Variants in DPH7 observed in about 807,000 individuals in gnomAD.
The protein encoded by DPH7 is diphthine methyltransferase.
DPH7 carries 44 observed loss-of-function variants against 41.7 expected under a neutral mutation model. The observed-to-expected ratio is 1.05, with a 90% CI of 0.83 to 1.36. The LOEUF (loss-of-function observed/expected upper bound fraction) is 1.36, where lower values mean the gene tolerates loss of function less well. Ranked by LOEUF, DPH7 falls within the 40% of genes most tolerant of loss-of-function variation. The pLI is 0.00. For synonymous variants in DPH7, 275 were observed against 238.0 expected, an observed-to-expected ratio of 1.16 and a Z score of -1.43; for missense variants, 629 against 577.5, an observed-to-expected ratio of 1.09 and a Z score of -0.91.
Position 137,555,221 on chromosome 9 carries a change from G to A in DPH7, c.*18C>T, listed in dbSNP as rs1279267576. Reference sequence around the variant, plus strand: ...CCCTCCTGGTTTCCTTGTGGGAAGGGGCTTCATGATTTCAAGCTCAGTTCC... The same window carrying A: ...CCCTCCTGGTTTCCTTGTGGGAAGGAGCTTCATGATTTCAAGCTCAGTTCC... On this transcript the variant is annotated 3_prime_UTR_variant, in exon 9 of 9. Coordinates refer to ENST00000277540, the MANE Select transcript of DPH7 (RefSeq NM_138778.5). 1.3e-6 allele frequency: 2 copies of A among 1,570,900 alleles called. No homozygotes were observed. Among genetic ancestry groups the A allele is most frequent in the Non-Finnish European group, 1.7e-6 (2 of 1,155,914 alleles).
At chr9:137,572,223 C>T (rs1269340893) in intron 5 of DPH7, among the ~76,000 whole-genome samples, 2 of 152,156 alleles carry the variant, frequency 1.3e-5, no homozygotes, top group Non-Finnish European at 2.9e-5. Context: ...GCAGAATTCA[C>T]CCATGAAGGA....
At position 137,565,280 on chromosome 9, in the gene DPH7, TCTGTCTGTGAGGAAGCTCCCCTGGGTGA is replaced by T. The variant is rs1564434291; in HGVS notation, c.641-154_641-127del. 596 of 655,210 alleles carry T rather than the reference TCTGTCTGTGAGGAAGCTCCCCTGGGTGA, an allele frequency of 9.1e-4. 29 individuals are homozygous for T. The highest frequency in any genetic ancestry group is 1.6e-3 in the Admixed American group (47 of 29,550). 40.6% of individuals were successfully genotyped at this position (655,210 alleles called of 1,614,324 possible). On this transcript the variant is annotated intron_variant, in intron 5 of 8. Transcript: ENST00000277540. ...CTGTGAGGAAGCTCCCCGGGGTGAC[TCTGTCTGTGAGGAAGCTCCCCTGGGTGA>T]CTGTCTGTGAGGAAGCTCCCCGGGG...
chr9:137,560,723 G>A (rs1838378440), intron 8 of DPH7, among the ~76,000 whole-genome samples: 1 of 152,152 alleles, frequency 6.6e-6, no homozygotes, highest in Non-Finnish European at 1.5e-5. Flanking sequence ...AGGTGTGGTG[G>A]TGGGCGCCTG....
chr9:137,556,553 C>T lies in DPH7; in HGVS notation c.950-905G>A. On this transcript the variant is annotated intron_variant, in intron 8 of 8. Coordinates refer to ENST00000277540, the MANE Select transcript of DPH7 (RefSeq NM_138778.5). The surrounding 1 kb of genome is among the most constrained non-coding windows in gnomAD (Gnocchi z 5.2). ...ACAAAACGTGCCGAGGTTGTATGGG[C>T]CTGGGCCGGGGAGGCCCAACCCTGG... is the stretch of plus-strand genomic sequence containing the variant. The T allele has an allele frequency of 9.5e-6, 3 of 315,916 alleles. No individual in the cohort carries two copies. The Admixed American group carries it at 1.3e-4, about 13-fold the overall frequency. 19.6% of individuals were successfully genotyped at this position (315,916 alleles called of 1,614,324 possible).
At chr9:137,570,455 C>T (rs371943873) in intron 5 of DPH7, among the ~76,000 whole-genome samples, 6 of 152,344 alleles carry the variant, frequency 3.9e-5, no homozygotes, top group African/African-American at 1.4e-4. Context: ...TCCACTACTC[C>T]AAACCTGCTC....
At chr9:137,558,854 C>A (rs1036100764) in intron 8 of DPH7, among the ~76,000 whole-genome samples, 1 of 152,148 alleles carries the variant, frequency 6.6e-6, no homozygotes, top group Non-Finnish European at 1.5e-5. Context: ...CCTGACTCAG[C>A]CTCCCAAGTA....
intron 8 of DPH7, 83 bp downstream of exon 8, chr9:137,564,351 G>T: frequency 6.7e-7 from 1 of 1,501,124 alleles, no homozygotes; most frequent in East Asian, 2.3e-5. Context: ...GGAGCAGGGA[G>T]CTGAGGGAAG....
At chr9:137,576,333 G>A (rs746660694) in intron 2 of DPH7, 166 bp from the exon 3 acceptor site, 4 of 609,462 alleles carry the variant, frequency 6.6e-6, no homozygotes, top group Non-Finnish European at 1.2e-5. Flanking sequence ...ATGGCCCACT[G>A]CTCCTATGCC....
Position 137,574,334 on chromosome 9 carries a change from G to A in DPH7, c.514C>T (p.Gln172Ter). 1 of 1,614,176 alleles carries A rather than the reference G, an allele frequency of 6.2e-7. No homozygotes were observed. The highest frequency in any genetic ancestry group is 8.5e-7 in the Non-Finnish European group (1 of 1,180,036). ...LKIISSDSTG[Q>*]LHLLMVNETR... The stretch of plus-strand genomic sequence containing the variant: ...TCATTCACCATCAGGAGGTGGAGCT[G>A]CCCTGTGGAGTCACTGCTGATGATC... The change falls in exon 5 of 9, where the codon CAG (glutamine) becomes TAG (stop). Residue 172 changes from glutamine to a stop codon, truncating the protein, a stop_gained. Transcript: ENST00000277540. LOFTEE classifies it high-confidence loss of function.
At chr9:137,558,090 T>C (rs1011218757) in intron 8 of DPH7, among the ~76,000 whole-genome samples, 2 of 152,000 alleles carry the variant, frequency 1.3e-5, no homozygotes, top group South Asian at 4.2e-4. Flanking sequence ...GAGCTGAGAT[T>C]GTGCCATTGT....
At chr9:137,568,800 G>T (rs1012192221) in intron 5 of DPH7, among the ~76,000 whole-genome samples, 1 of 152,166 alleles carries the variant, frequency 6.6e-6, no homozygotes, top group Admixed American at 6.5e-5. Context: ...AGGCCATCAG[G>T]TGCAGGCGAC....
intron 1 of DPH7, chr9:137,578,086 G>A: frequency 1.4e-6 from 1 of 707,678 alleles, no homozygotes; most frequent in Non-Finnish European, 1.7e-6. Flanking sequence ...AGGGGGTTGA[G>A]GCGGGAGGAT....
rs560359997 is a variant in DPH7, at chr9:137,564,431, C to T, written c.949+3G>A. The T allele has an allele frequency of 1.5e-4, 234 of 1,610,778 alleles. 3 individuals carry two copies. In the South Asian group the frequency reaches 2.4e-3, roughly 16 times the overall value. On this transcript the variant is annotated splice_donor_region_variant and intron_variant, in intron 8 of 8. Coordinates refer to ENST00000277540, the MANE Select transcript of DPH7 (RefSeq NM_138778.5). Reference sequence around the variant, plus strand: ...GGCCCAGCAGCCACGGGTCCCCACTCACCCATTGCCTTTTGGCAGTTGAGG... The same window carrying T: ...GGCCCAGCAGCCACGGGTCCCCACTTACCCATTGCCTTTTGGCAGTTGAGG...
intron 3 of DPH7, chr9:137,575,121 T>TGCCATCC: frequency 1.7e-6 from 2 of 1,177,952 alleles, no homozygotes; most frequent in Non-Finnish European, 2.1e-6. Flanking sequence ...CACACCCCCT[T>TGCCATCC]GCCATCCTTG....
At chr9:137,576,718 T>C (rs1841460198) in intron 2 of DPH7, among the ~76,000 whole-genome samples, 1 of 151,770 alleles carries the variant, frequency 6.6e-6, no homozygotes. Context: ...TGAAACCACG[T>C]CTCTACTAAA....
chr9:137,556,611 G>A lies in DPH7; in HGVS notation c.950-963C>T, dbSNP rs914446919. 35 of 342,498 alleles carry A rather than the reference G, an allele frequency of 1.0e-4. No homozygotes were observed. Among genetic ancestry groups the A allele is most frequent in the Non-Finnish European group, 1.6e-4 (28 of 172,884 alleles). 21.2% of individuals were successfully genotyped at this position (342,498 alleles called of 1,614,324 possible). A position where few individuals can be genotyped will look rare whatever the true frequency, so the allele number is the denominator to read the frequency against. On this transcript the variant is annotated intron_variant, in intron 8 of 8. Transcript: ENST00000277540. This position sits in a 1 kb window ranked among gnomAD's most constrained non-coding sequence, Gnocchi z 5.2. The stretch of plus-strand genomic sequence containing the variant: ...GCTTCAACTGGGCAGAGGTGGCTCC[G>A]AGGAGGAGTGAGATGCTGAATGTTC...
In DPH7 at chr9:137,575,964, T is replaced by C. The variant is rs1403157707; in HGVS notation, c.375+116A>G. ...CACATTATCTTAGAACGTTTATATATAGCTCACCATTGAAGAGAGATCGTT... is the reference window on the plus strand; with the variant it reads ...CACATTATCTTAGAACGTTTATATACAGCTCACCATTGAAGAGAGATCGTT... On this transcript the variant is annotated intron_variant, in intron 3 of 8. Coordinates refer to ENST00000277540, the MANE Select transcript of DPH7 (RefSeq NM_138778.5). 8 of 1,550,560 alleles carry C rather than the reference T, an allele frequency of 5.2e-6. No individual in the cohort carries two copies. The East Asian group carries it at 6.8e-5, about 13-fold the overall frequency.
intron 5 of DPH7, 64 bp from the exon 6 acceptor site, chr9:137,565,218 C>T (rs1839407193): frequency 1.4e-5 from 22 of 1,566,282 alleles, no homozygotes; most frequent in East Asian, 4.5e-5. Flanking sequence ...TCAGTTAGGC[C>T]GTTGATGTCT....
chr9:137,559,372 G>T (rs1487369064), intron 8 of DPH7, among the ~76,000 whole-genome samples: 1 of 151,234 alleles, frequency 6.6e-6, no homozygotes, highest in Non-Finnish European at 1.5e-5. Flanking sequence ...CGAAAAATGT[G>T]AAGGAAAAAC....
Sources: gnomAD v4.1 joint callset for allele counts (sites outside exome capture counted in the v4.1 genomes callset) on GRCh38, gnomAD v4.1.1 for gene constraint, Gnocchi (gnomAD v3.1) non-coding constraint, MANE v1.5 for transcripts, NCBI Gene and HGNC (gene_info 2026-07-23, HGNC 2026-07-21) for gene names.